C1orf105: variants seen among roughly 807,000 people sequenced by gnomAD.
C1orf105 encodes chromosome 1 open reading frame 105.
C1orf105 carries 17 observed loss-of-function variants against 20.8 expected under a neutral mutation model. The ratio of observed to expected loss-of-function variants is 0.82; its 90% CI spans 0.56 to 1.23. The LOEUF (loss-of-function observed/expected upper bound fraction) is 1.23, where lower values mean the gene tolerates loss of function less well. C1orf105 is among the 50% of genes most tolerant of loss of function. The pLI, the probability that C1orf105 is intolerant of heterozygous loss-of-function variation, is 0.00. For missense variants in C1orf105, 219 were observed against 213.5 expected (o/e 1.03, Z -0.16); for synonymous variants, 72 against 72.1 (o/e 1.00, Z 0.01).
intron 1 of C1orf105, among the ~76,000 whole-genome samples, chr1:172,431,591 C>G (rs1433636529): frequency 6.6e-6 from 1 of 152,216 alleles, no homozygotes; most frequent in Non-Finnish European, 1.5e-5. Flanking sequence ...TCCAGAAGAT[C>G]TAGCTAAGAA....
intron 2 of C1orf105, among the ~76,000 whole-genome samples, chr1:172,446,704 G>C (rs1441606341): frequency 6.6e-6 from 1 of 152,240 alleles, no homozygotes; most frequent in Non-Finnish European, 1.5e-5. Flanking sequence ...GCCTTTGGCA[G>C]AGGGTGGAGA....
chr1:172,429,851 T>C (rs755511043), intron 1 of C1orf105, among the ~76,000 whole-genome samples: 1 of 152,190 alleles, frequency 6.6e-6, no homozygotes, highest in South Asian at 2.1e-4. Context: ...CCTATTGCTC[T>C]ACTTCTTCTT....
rs1284854859 is a variant in C1orf105, at chr1:172,462,225, T to G, written c.321T>G (p.Phe107Leu). 6.2e-7 allele frequency: 1 copy of G among 1,609,650 alleles called. No individual in the cohort carries two copies. Reference sequence around the variant, plus strand: ...TCCCAGATGATCCAAAAGCATCCTTTGAGAATTGTATGAGTTATAGGTAAG... The same window carrying G: ...TCCCAGATGATCCAAAAGCATCCTTGGAGAATTGTATGAGTTATAGGTAAG... ...MKIPDDPKAS[F>L]ENCMSYRMSL... The change falls in exon 5 of 7, where the codon TTT (phenylalanine) becomes TTG (leucine). Residue 107 changes from phenylalanine (F) to leucine (L), a missense_variant. Coordinates refer to ENST00000367727, the MANE Select transcript of C1orf105 (RefSeq NM_139240.4).
intron 1 of C1orf105, among the ~76,000 whole-genome samples, chr1:172,421,511 G>T (rs4916256): frequency 0.69 from 105,208 of 151,960 alleles, 40,451 homozygotes; most frequent in East Asian, 1. Context: ...TGAAAATATT[G>T]TAAGTCAAAA....
chr1:172,452,755 C>CATA, intron 3 of C1orf105: 2 of 1,295,034 alleles, frequency 1.5e-6, no homozygotes, highest in Non-Finnish European at 2.0e-6. Flanking sequence ...CCAGGCTACA[C>CATA]ATAGGTTGCT....
At chr1:172,437,859 G>A (rs2072093451) in intron 1 of C1orf105, among the ~76,000 whole-genome samples, 1 of 151,954 alleles carries the variant, frequency 6.6e-6, no homozygotes, top group Non-Finnish European at 1.5e-5. Context: ...CTATTGGAAG[G>A]TGCCATCTAG....
intron 1 of C1orf105, among the ~76,000 whole-genome samples, chr1:172,425,228 C>A (rs1329964622): frequency 6.6e-6 from 1 of 152,154 alleles, no homozygotes; most frequent in African/African-American, 2.4e-5. Context: ...CCAGCATTAC[C>A]TGATGGGCAT....
At position 172,464,109 on chromosome 1, in the gene C1orf105, A is replaced by G. The variant is rs1340473212; in HGVS notation, c.342-1190A>G. ...TTATAGCCATTGCAGGAATTAAAATATAATACTTATTGAATGAAAAGAATG... is the reference window on the plus strand; with the variant it reads ...TTATAGCCATTGCAGGAATTAAAATGTAATACTTATTGAATGAAAAGAATG... On this transcript the variant is annotated intron_variant, in intron 5 of 6. Transcript: ENST00000367727. Among the ~76,000 whole-genome samples, 2 of 152,260 alleles carry G rather than the reference A, an allele frequency of 1.3e-5. 1 individual carries two copies. Among genetic ancestry groups the G allele is most frequent in the Middle Eastern group, 6.3e-3 (2 of 316 alleles).
chr1:172,452,661 T>C (rs1438737332), intron 3 of C1orf105: 7 of 481,416 alleles, frequency 1.5e-5, no homozygotes, highest in East Asian at 1.5e-4. Context: ...GCAGCAGATA[T>C]TGTCCTAGGG....
chr1:172,453,278 T>A, intron 3 of C1orf105: 1 of 1,402,506 alleles, frequency 7.1e-7, no homozygotes, highest in Non-Finnish European at 9.6e-7. Context: ...TCTGTCTTTT[T>A]GAACACAAAG....
chr1:172,429,456 ATC>A (rs1266924223), intron 1 of C1orf105, among the ~76,000 whole-genome samples: 1 of 152,224 alleles, frequency 6.6e-6, no homozygotes, highest in Non-Finnish European at 1.5e-5. Flanking sequence ...CTCTAATTGC[ATC>A]TCTTATAAAA....
intron 3 of C1orf105, among the ~76,000 whole-genome samples, chr1:172,449,227 C>T (rs1004153428): frequency 3.3e-5 from 5 of 152,120 alleles, no homozygotes; most frequent in African/African-American, 1.2e-4. Context: ...TATATGTTTA[C>T]GGAGGCCTTT....
At chr1:172,464,333 A>G (rs1649894309) in intron 5 of C1orf105, among the ~76,000 whole-genome samples, 1 of 152,234 alleles carries the variant, frequency 6.6e-6, no homozygotes, top group African/African-American at 2.4e-5. Flanking sequence ...TTAACTCACT[A>G]TATTTTTGGT....
intron 5 of C1orf105, among the ~76,000 whole-genome samples, chr1:172,463,193 A>G (rs1047635039): frequency 6.6e-6 from 1 of 152,230 alleles, no homozygotes; most frequent in African/African-American, 2.4e-5. Context: ...GGACATCAAC[A>G]CAGGTCAACT....
chr1:172,465,792 C>G, intron 6 of C1orf105: 1 of 402,276 alleles, frequency 2.5e-6, no homozygotes, highest in Non-Finnish European at 4.9e-6. Flanking sequence ...AAATACCTGC[C>G]TTCTCCCAGC....
At chr1:172,465,173 A>G in intron 5 of C1orf105, 126 bp from the exon 6 acceptor site, 1 of 335,486 alleles carries the variant, frequency 3.0e-6, no homozygotes, top group Non-Finnish European at 4.8e-6. Context: ...ACAAGCGCAA[A>G]AACTCCATCT....
intron 1 of C1orf105, among the ~76,000 whole-genome samples, chr1:172,433,591 C>T (rs2071939638): frequency 6.6e-6 from 1 of 152,182 alleles, no homozygotes; most frequent in African/African-American, 2.4e-5. Flanking sequence ...CTTACAAGAG[C>T]TGCTGAAGGA....
At chr1:172,444,298 A>G in intron 1 of C1orf105, 8 of 985,450 alleles carry the variant, frequency 8.1e-6, no homozygotes, top group Non-Finnish European at 8.4e-6. Context: ...AAGGCAAGAG[A>G]GGACAAGGAA....
intron 1 of C1orf105, chr1:172,431,304 A>G (rs1366740037): frequency 1.2e-5 from 5 of 420,536 alleles, no homozygotes; most frequent in Non-Finnish European, 1.7e-5. Context: ...CTCCCATGAT[A>G]AGAAACTAAA....
Sources: gnomAD v4.1 joint callset for allele counts (sites outside exome capture counted in the v4.1 genomes callset) on GRCh38, gnomAD v4.1.1 for gene constraint, MANE v1.5 for transcripts, NCBI Gene and HGNC (gene_info 2026-07-23, HGNC 2026-07-21) for gene names.